The following DDX60L variants were observed in gnomAD, a reference collection of about 807,000 sequenced individuals.
The protein encoded by DDX60L is DExD/H-box 60 like.
A neutral mutation model predicts 211.6 loss-of-function variants in DDX60L; 191 were observed. The ratio of observed to expected loss-of-function variants is 0.90; its 90% CI spans 0.80 to 1.02. The LOEUF is 1.02. Among genes scored for constraint, DDX60L ranks in the 50% least tolerant of loss-of-function variants. The pLI, the probability that DDX60L is intolerant of heterozygous loss-of-function variation, is 0.00. For missense variants in DDX60L, 2,007 were observed against 1,984.1 expected, an observed-to-expected ratio of 1.01 and a Z score of -0.22; for synonymous variants, 706 against 694.1, an observed-to-expected ratio of 1.02 and a Z score of -0.27.
intron 14 of DDX60L, 49 bp downstream of exon 14, chr4:168,427,021 T>C: frequency 1.3e-6 from 2 of 1,519,754 alleles, no homozygotes; most frequent in South Asian, 2.6e-5. Flanking sequence ...GTTAACATCA[T>C]TAATATTTTC....
At chr4:168,368,100 G>A (rs534426286) in intron 36 of DDX60L, among the ~76,000 whole-genome samples, 4 of 152,236 alleles carry the variant, frequency 2.6e-5, no homozygotes, top group Non-Finnish European at 4.4e-5. Context: ...GGAGCCTAAC[G>A]TTAATCCCCA....
At chr4:168,425,976 T>C (rs1006509318) in intron 14 of DDX60L, among the ~76,000 whole-genome samples, 5 of 152,154 alleles carry the variant, frequency 3.3e-5, no homozygotes, top group Non-Finnish European at 7.4e-5. Context: ...GTTGGAGACA[T>C]TGATACAGGA....
chr4:168,452,177 C>T (rs1268812946), intron 8 of DDX60L, among the ~76,000 whole-genome samples: 1 of 152,206 alleles, frequency 6.6e-6, no homozygotes, highest in Non-Finnish European at 1.5e-5. Context: ...TGTGGACCAG[C>T]TGCCTGACAG....
At chr4:168,417,382 C>T (rs1470588711) in intron 19 of DDX60L, among the ~76,000 whole-genome samples, 1 of 152,134 alleles carries the variant, frequency 6.6e-6, no homozygotes, top group Non-Finnish European at 1.5e-5. Context: ...ACACGTGTTC[C>T]ACCTGAGGGC....
In DDX60L at chr4:168,373,797, T is replaced by G; in HGVS notation, c.4645A>C (p.Lys1549Gln). 1.2e-6 allele frequency: 2 copies of G among 1,613,582 alleles called. No homozygotes were observed. Residue 1549 changes from lysine (K) to glutamine (Q), a missense_variant, in exon 35 of 38, where the codon AAA becomes CAA. Coordinates refer to ENST00000682922, the MANE Select transcript of DDX60L (RefSeq NM_001012967.3). The stretch of plus-strand genomic sequence containing the variant: ...ACGAGTTGGGAGTCTTCACATTCTT[T>G]ACCTGTGAATTCTGACCATTTTGGA... ...LPLSRIKFTG[K>Q]ECEDSQLVSH...
At chr4:168,360,637 C>T (rs1738942652) in intron 37 of DDX60L, among the ~76,000 whole-genome samples, 1 of 152,158 alleles carries the variant, frequency 6.6e-6, no homozygotes, top group African/African-American at 2.4e-5. Flanking sequence ...GAAAGGAGTG[C>T]CCACATAGAG....
Position 168,369,487 on chromosome 4 carries a change from A to AAAAAAAC in DDX60L, c.4928+2124_4928+2125insGTTTTTT, listed in dbSNP as rs199880775. Reference sequence around the variant, plus strand: ...AATACAGCCATTTAAAAAAAACAAAAAAAAAAAAACAGCAGAAAAACTTCA... The same window carrying AAAAAAAC: ...AATACAGCCATTTAAAAAAAACAAAAAAAAAACAAAAAAAAACAGCAGAAAAACTTCA... On this transcript the variant is annotated intron_variant, in intron 36 of 37. Transcript: ENST00000682922. Among the ~76,000 whole-genome samples the AAAAAAAC allele has an allele frequency of 1.9e-3, 123 of 63,338 alleles. 1 individual carries two copies. The highest frequency in any genetic ancestry group is 0.017 in the Admixed American group (93 of 5,446). The allele number at this position is 63,338 out of a possible 152,430, so 41.6% of individuals were successfully genotyped here. A position where few individuals can be genotyped will look rare whatever the true frequency, so the allele number is the denominator to read the frequency against.
chr4:168,374,785 C>T (rs999871510), intron 34 of DDX60L, among the ~76,000 whole-genome samples: 3 of 152,240 alleles, frequency 2.0e-5, no homozygotes, highest in Non-Finnish European at 4.4e-5. Context: ...ATGTGCTATG[C>T]ACTGTTTTAA....
In DDX60L at chr4:168,396,081, T is replaced by C. The variant is rs777001546; in HGVS notation, c.3535A>G (p.Lys1179Glu). 2 of 1,575,782 alleles carry C rather than the reference T, an allele frequency of 1.3e-6. No homozygotes were observed. The highest frequency in any genetic ancestry group is 2.2e-5 in the East Asian group (1 of 44,526). Residue 1179 changes from lysine (K) to glutamate (E), a missense_variant, in exon 27 of 38, where the codon AAA (lysine) becomes GAA (glutamate). Transcript: ENST00000682922. ...TTAATATATTCAGCTCTATACACTT[T>C]TTTTCTTTCCAGTTTTTCAGCCTTC... ...PKKAEKLERK[K>E]VYRAEYINFL...
At chr4:168,363,610 G>T (rs533535579) in intron 36 of DDX60L, among the ~76,000 whole-genome samples, 3 of 152,284 alleles carry the variant, frequency 2.0e-5, no homozygotes, top group African/African-American at 7.2e-5. Context: ...TGTGACCAAA[G>T]TCAAGTTGTT....
chr4:168,471,798 A>T lies in DDX60L; in HGVS notation c.213T>A (p.Tyr71Ter), dbSNP rs1194818335. The T allele has an allele frequency of 2.2e-5, 36 of 1,613,212 alleles. No individual in the cohort carries two copies. The highest frequency in any genetic ancestry group is 3.0e-5 in the Non-Finnish European group (35 of 1,179,796). ...NLHFFYLVECYLVDLLSNGGQ... is the reference protein window; with the variant it reads ...NLHFFYLVEC Reference sequence around the variant, plus strand: ...CTCCGTTACTCAGAAGATCCACAAGATAGCATTCAACCAGATAGAAAAAGT... The same window carrying T: ...CTCCGTTACTCAGAAGATCCACAAGTTAGCATTCAACCAGATAGAAAAAGT... Residue 71 changes from tyrosine (Y) to a stop codon, truncating the protein, a stop_gained, in exon 4 of 38, where the codon TAT (tyrosine) becomes TAA (stop). Transcript: ENST00000682922. LOFTEE classifies it high-confidence loss of function.
At position 168,415,728 on chromosome 4, in the gene DDX60L, T is replaced by C; in HGVS notation, c.2798A>G (p.Lys933Arg). ...AAAGTTGAGACATTTGTCAGCCTGT[T>C]TTTCAGAAATACATTTCTCTTCCAT... ...KIMEEKCISE[K>R]QADKCLNFLQ... Residue 933 changes from lysine (K) to arginine (R), a missense_variant, in exon 21 of 38, where the codon AAA (lysine) becomes AGA (arginine). Transcript: ENST00000682922. 1.9e-6 allele frequency: 3 copies of C among 1,600,566 alleles called. No homozygotes were observed. The highest frequency in any genetic ancestry group is 2.6e-6 in the Non-Finnish European group (3 of 1,172,484).
chr4:168,459,330 T>G (rs987505935), intron 5 of DDX60L, among the ~76,000 whole-genome samples: 16 of 150,406 alleles, frequency 1.1e-4, no homozygotes, highest in Non-Finnish European at 1.8e-4. Context: ...AATAAATAAA[T>G]AAATAAATAT....
intron 29 of DDX60L, among the ~76,000 whole-genome samples, chr4:168,388,428 T>A (rs1744251045): frequency 6.6e-6 from 1 of 152,204 alleles, no homozygotes; most frequent in African/African-American, 2.4e-5. Context: ...TATATATTTT[T>A]AAAAAATCAC....
intron 22 of DDX60L, among the ~76,000 whole-genome samples, chr4:168,414,167 T>C (rs62334126): frequency 0.12 from 18,972 of 152,058 alleles, 1,392 homozygotes; most frequent in Admixed American, 0.16. Context: ...AATAAAGACT[T>C]CCTCAGACAA....
chr4:168,442,742 G>C (rs1355104947), intron 9 of DDX60L, among the ~76,000 whole-genome samples: 3 of 151,272 alleles, frequency 2.0e-5, no homozygotes, highest in African/African-American at 7.3e-5. Flanking sequence ...CAGCCTAACT[G>C]GGAGGCACCC....
At chr4:168,479,025 C>T (rs1245039404) in intron 1 of DDX60L, among the ~76,000 whole-genome samples, 4 of 152,122 alleles carry the variant, frequency 2.6e-5, no homozygotes, top group African/African-American at 9.7e-5. Flanking sequence ...CCAAGAAAAG[C>T]ATACCAGTAT....
intron 14 of DDX60L, among the ~76,000 whole-genome samples, chr4:168,425,975 A>G (rs559678658): frequency 1.3e-5 from 2 of 152,308 alleles, no homozygotes; most frequent in South Asian, 4.1e-4. Flanking sequence ...AGTTGGAGAC[A>G]TTGATACAGG....
chr4:168,462,372 A>T (rs1467706583), intron 4 of DDX60L, among the ~76,000 whole-genome samples: 5 of 152,222 alleles, frequency 3.3e-5, no homozygotes, highest in Non-Finnish European at 5.9e-5. Flanking sequence ...ATTAGTAGAT[A>T]AAAATGTAAC....
Sources: gnomAD v4.1 joint callset for allele counts (sites outside exome capture counted in the v4.1 genomes callset) on GRCh38, gnomAD v4.1.1 for gene constraint, MANE v1.5 for transcripts, NCBI Gene and HGNC (gene_info 2026-07-23, HGNC 2026-07-21) for gene names.